Variants in TJP2 observed in about 807,000 individuals in gnomAD.
TJP2 encodes Friedreich ataxia region gene X104 (tight junction protein ZO-2).
Under a neutral mutation model 133.1 loss-of-function variants are expected in TJP2, and 91 were observed. The observed-to-expected ratio is 0.68, with a 90% CI of 0.58 to 0.81. TJP2 has a LOEUF of 0.81. TJP2 is among the 40% of genes least tolerant of loss of function. The probability of loss-of-function intolerance (pLI) is 0.00; values close to 1 mark genes in which losing one functional copy is unlikely to be tolerated. For synonymous variants in TJP2, 592 were observed against 583.4 expected (o/e 1.01, Z -0.21); for missense variants, 1,541 against 1,565.6 (o/e 0.98, Z 0.26).
intron 17 of TJP2, among the ~76,000 whole-genome samples, chr9:69,244,326 C>G (rs867274872): frequency 6.6e-6 from 1 of 152,132 alleles, no homozygotes; most frequent in South Asian, 2.1e-4. Context: ...GCAGTCATTC[C>G]CCATTTCTCC....
At chr9:69,254,127 CTG>C (rs1289324714) in intron 22 of TJP2, 80 bp from the exon 23 acceptor site, 3 of 1,503,540 alleles carry the variant, frequency 2.0e-6, no homozygotes, top group Non-Finnish European at 2.8e-6. Context: ...TACCCAGTCA[CTG>C]TGCTCAGAGC....
At chr9:69,193,164 C>T (rs11145627) in intron 1 of TJP2, among the ~76,000 whole-genome samples, 57,642 of 151,874 alleles carry the variant, frequency 0.38, 11,201 homozygotes, top group South Asian at 0.44. Flanking sequence ...GATTCACCCA[C>T]CTTGGCCTCC....
At chr9:69,191,746 T>A (rs1362161696) in intron 1 of TJP2, among the ~76,000 whole-genome samples, 1 of 152,094 alleles carries the variant, frequency 6.6e-6, no homozygotes, top group Non-Finnish European at 1.5e-5. Context: ...TTAAAATTTT[T>A]TTTTTTTTGA....
chr9:69,202,253 A>G (rs1052893936), intron 1 of TJP2, among the ~76,000 whole-genome samples: 4 of 152,168 alleles, frequency 2.6e-5, no homozygotes, highest in Admixed American at 6.5e-5. Flanking sequence ...AAGGGGGTTT[A>G]GCTCAGTCCC....
intron 2 of TJP2, among the ~76,000 whole-genome samples, chr9:69,158,150 T>C (rs1207759911): frequency 1.3e-5 from 2 of 151,208 alleles, no homozygotes; most frequent in Admixed American, 6.6e-5. Context: ...CCATCTCTAC[T>C]AAAAAACAAA....
chr9:69,213,530 G>A (rs545875517), intron 2 of TJP2, among the ~76,000 whole-genome samples: 1 of 152,328 alleles, frequency 6.6e-6, no homozygotes, highest in South Asian at 2.1e-4. Flanking sequence ...CCTCAGAACT[G>A]TGAGCTTCAA....
chr9:69,152,413 AT>A (rs1250995117), intron 2 of TJP2, among the ~76,000 whole-genome samples: 1 of 152,000 alleles, frequency 6.6e-6, no homozygotes, highest in Non-Finnish European at 1.5e-5. Context: ...TGGGGTTGTA[AT>A]TTTTTTCATG....
At chr9:69,205,480 G>T (rs369242979) in intron 1 of TJP2, among the ~76,000 whole-genome samples, 1 of 152,318 alleles carries the variant, frequency 6.6e-6, no homozygotes. Context: ...ATCAAAGGCT[G>T]CTGTTTTCCA....
chr9:69,134,016 G>A (rs1267121606), intron 1 of TJP2, among the ~76,000 whole-genome samples: 5 of 152,032 alleles, frequency 3.3e-5, no homozygotes, highest in Non-Finnish European at 7.4e-5. Context: ...GATTGCTCAT[G>A]CTCTCCTATG....
At chr9:69,228,594 A>G (rs1014673534) in intron 9 of TJP2, among the ~76,000 whole-genome samples, 1 of 152,238 alleles carries the variant, frequency 6.6e-6, no homozygotes, top group Non-Finnish European at 1.5e-5. Context: ...GTATACAGAT[A>G]TGTATGTACA....
intron 1 of TJP2, among the ~76,000 whole-genome samples, chr9:69,145,025 C>G (rs541948739): frequency 6.6e-6 from 1 of 152,238 alleles, no homozygotes; most frequent in Admixed American, 6.5e-5. Context: ...TGAACCTCTC[C>G]AAACGATATA....
At chr9:69,224,983 C>T (rs541839376) in intron 5 of TJP2, among the ~76,000 whole-genome samples, 7 of 152,226 alleles carry the variant, frequency 4.6e-5, no homozygotes, top group African/African-American at 1.7e-4. Context: ...ATTAATATCC[C>T]TTTCATATAT....
At chr9:69,168,473 AAAG>A (rs1232141336) in intron 2 of TJP2, among the ~76,000 whole-genome samples, 1 of 152,132 alleles carries the variant, frequency 6.6e-6, no homozygotes, top group Non-Finnish European at 1.5e-5. Context: ...AAAAAAGAAA[AAAG>A]AGGAGGACTT....
At chr9:69,197,356 A>AT (rs1442308479) in intron 1 of TJP2, among the ~76,000 whole-genome samples, 1 of 152,116 alleles carries the variant, frequency 6.6e-6, no homozygotes, top group African/African-American at 2.4e-5. Context: ...GATATACCAC[A>AT]TTTCGTTTAT....
At chr9:69,209,605 T>C (rs1200013000) in intron 1 of TJP2, among the ~76,000 whole-genome samples, 1 of 151,476 alleles carries the variant, frequency 6.6e-6, no homozygotes, top group Non-Finnish European at 1.5e-5. Flanking sequence ...AATACAAAAA[T>C]TAGCTGGGTG....
intron 2 of TJP2, among the ~76,000 whole-genome samples, chr9:69,153,438 G>T (rs1587919091): frequency 6.6e-6 from 1 of 152,058 alleles, no homozygotes; most frequent in South Asian, 2.1e-4. Context: ...CAAAATATTA[G>T]CCAGGCGTGG....
At position 69,205,619 on chromosome 9, in the gene TJP2, A is replaced by G. The variant is rs114628921; in HGVS notation, c.61-6929A>G. Among the ~76,000 whole-genome samples the G allele has an allele frequency of 9.5e-3, 1,444 of 152,318 alleles. 29 individuals carry two copies. Among genetic ancestry groups the G allele is most frequent in the African/African-American group, 0.032 (1,329 of 41,560 alleles). The stretch of plus-strand genomic sequence containing the variant: ...TTGCTTTCTTACACTGCAGAAATCT[A>G]TATTCTTATTATGTCTAGGCTTCTA... On this transcript the variant is annotated intron_variant, in intron 1 of 22. Transcript: ENST00000377245.
intron 1 of TJP2, among the ~76,000 whole-genome samples, chr9:69,135,525 C>T (rs1822692628): frequency 6.6e-6 from 1 of 152,168 alleles, no homozygotes; most frequent in Non-Finnish European, 1.5e-5. Context: ...ACTGCAACCT[C>T]TGCCTCCCGG....
At chr9:69,173,071 G>A (rs1025617460), upstream of TJP2, among the ~76,000 whole-genome samples, 1 of 152,168 alleles carries the variant, frequency 6.6e-6, no homozygotes, top group Non-Finnish European at 1.5e-5. Context: ...GGCATCTACT[G>A]GACTTGTTTT....
Sources: gnomAD v4.1 joint callset for allele counts (sites outside exome capture counted in the v4.1 genomes callset) on GRCh38, gnomAD v4.1.1 for gene constraint, MANE v1.5 for transcripts, NCBI Gene and HGNC (gene_info 2026-07-23, HGNC 2026-07-21) for gene names.